Variants in NUP160 observed in about 807,000 individuals in gnomAD.
NUP160 encodes the protein nucleoporin 160, also known as nuclear pore complex protein Nup160.
Under a neutral mutation model 196.9 loss-of-function variants are expected in NUP160, and 94 were observed. The observed-to-expected ratio is 0.48, with a 90% CI of 0.40 to 0.57. NUP160 has a LOEUF of 0.57. Ranked by LOEUF, NUP160 falls within the 20% of genes least tolerant of loss-of-function variation. The probability of loss-of-function intolerance (pLI) is 0.00; values close to 1 mark genes in which losing one functional copy is unlikely to be tolerated. For synonymous variants in NUP160, 605 were observed against 619.7 expected (o/e 0.98, Z 0.35); for missense variants, 1,638 against 1,748.3 (o/e 0.94, Z 1.13).
intron 7 of NUP160, among the ~76,000 whole-genome samples, chr11:47,832,257 C>G: frequency 6.6e-6 from 1 of 152,042 alleles, no homozygotes; most frequent in East Asian, 1.9e-4. Context: ...TGAGCATGGG[C>G]AAGGCTCACC....
chr11:47,789,695 C>T (rs1047619211), intron 29 of NUP160, among the ~76,000 whole-genome samples: 30 of 151,546 alleles, frequency 2.0e-4, no homozygotes, highest in African/African-American at 6.5e-4. Flanking sequence ...TAGTATATAA[C>T]GTTACTACTA....
intron 4 of NUP160, among the ~76,000 whole-genome samples, chr11:47,838,442 T>C (rs1458077986): frequency 6.6e-6 from 1 of 152,186 alleles, no homozygotes. Context: ...GTGCCGTGGC[T>C]CACACCTGTA....
intron 9 of NUP160, chr11:47,821,370 T>TTTTTTG (rs1851852936): frequency 1.3e-5 from 2 of 155,686 alleles, no homozygotes; most frequent in African/African-American, 5.0e-5. Context: ...TTTTTTTTTT[T>TTTTTTG]TTTTTGAGAT....
At chr11:47,812,211 A>G (rs2097681593) in exon 17 of NUP160, 2 of 1,614,040 alleles carry the variant, frequency 1.2e-6, no homozygotes, top group Non-Finnish European at 1.7e-6. Context: ...TCATTCGAAT[A>G]TTCAAAGGCT....
intron 9 of NUP160, 59 bp downstream of exon 9, chr11:47,821,665 T>C: frequency 7.6e-7 from 1 of 1,308,776 alleles, no homozygotes; most frequent in Non-Finnish European, 1.1e-6. Flanking sequence ...CGGCCTCTCG[T>C]CTTCTTAGCA....
At chr11:47,803,044 G>A (rs2097675179) in intron 22 of NUP160, among the ~76,000 whole-genome samples, 1 of 151,566 alleles carries the variant, frequency 6.6e-6, no homozygotes, top group African/African-American at 2.4e-5. Context: ...CTGGCCAAAC[G>A]CGGTGGCTTA....
At chr11:47,785,283 C>T (rs980417862) in intron 32 of NUP160, among the ~76,000 whole-genome samples, 3 of 151,910 alleles carry the variant, frequency 2.0e-5, no homozygotes, top group African/African-American at 4.8e-5. Context: ...GCATGCACCA[C>T]TATGCCCAGC....
At chr11:47,836,780 C>T (rs747578955) in intron 6 of NUP160, 107 bp downstream of exon 6, 4 of 677,212 alleles carry the variant, frequency 5.9e-6, no homozygotes, top group Non-Finnish European at 1.1e-5. Flanking sequence ...CCAATAAGTT[C>T]CAAACCAATT....
intron 7 of NUP160, among the ~76,000 whole-genome samples, chr11:47,825,765 G>T (rs1851954454): frequency 6.6e-6 from 1 of 151,950 alleles, no homozygotes; most frequent in Non-Finnish European, 1.5e-5. Context: ...TGTATTTTTA[G>T]TAGAGACAGC....
intron 7 of NUP160, among the ~76,000 whole-genome samples, chr11:47,834,588 A>G (rs1852138707): frequency 6.6e-6 from 1 of 152,190 alleles, no homozygotes; most frequent in Non-Finnish European, 1.5e-5. Flanking sequence ...CAAGGTAGAT[A>G]TCCTTGCTGG....
rs10529981 is a variant in NUP160 at position 47,782,303 on chromosome 11, AATATATATATATATATAT to A, written c.4116+752_4116+769del. On this transcript the variant is annotated intron_variant, in intron 34 of 35. Transcript: ENST00000378460. ...CAAAACTCAGTTAAAAAAAAAAAAA[AATATATATATATATATAT>A]ATATATATATATATATATATATATA... Among the ~76,000 whole-genome samples the A allele has an allele frequency of 6.2e-4, 25 of 40,524 alleles. 1 individual carries two copies. The highest frequency in any genetic ancestry group is 1.7e-3 in the African/African-American group (14 of 8,066). The allele number at this position is 40,524 out of a possible 152,430, so 26.6% of individuals were successfully genotyped here.
chr11:47,836,921 C>T lies in NUP160; in HGVS notation c.908G>A (p.Cys303Tyr), dbSNP rs554810023. The change falls in exon 6 of 36, where the codon TGT becomes TAT. Residue 303 changes from cysteine (C) to tyrosine (Y), a missense_variant. This residue lies in a region of NUP160 where 1,345 missense variants were observed against 1,470.2 expected (regional missense o/e 0.91). Coordinates refer to ENST00000378460, the Ensembl canonical transcript of NUP160. Reference sequence around the variant, plus strand: ...CCACATTCGTAGTTTATGATCCTGACACAAAGCAAAGATGAAGGCATCATG... The same window carrying T: ...CCACATTCGTAGTTTATGATCCTGATACAAAGCAAAGATGAAGGCATCATG... 9 of 1,613,100 alleles carry T rather than the reference C, an allele frequency of 5.6e-6. No individual in the cohort carries two copies. The East Asian group carries it at 1.6e-4, about 28-fold the overall frequency.
At chr11:47,816,722 G>A (rs969999664) in intron 11 of NUP160, among the ~76,000 whole-genome samples, 3 of 151,526 alleles carry the variant, frequency 2.0e-5, no homozygotes, top group East Asian at 3.9e-4. Flanking sequence ...GTTGCAGTGA[G>A]CCAAGATCGT....
intron 1 of NUP160, 83 bp from the exon 2 acceptor site, chr11:47,848,042 C>T: frequency 7.7e-7 from 1 of 1,294,162 alleles, no homozygotes; most frequent in Non-Finnish European, 1.1e-6. Flanking sequence ...CAGAGAGTGA[C>T]AGACTGACAA....
exon 33 of NUP160, chr11:47,784,939 G>A: frequency 1.3e-6 from 2 of 1,595,778 alleles, no homozygotes; most frequent in Non-Finnish European, 1.7e-6. Flanking sequence ...CTGTTTATAA[G>A]CCAATTAGGC....
chr11:47,780,540 CTTTTTTT>C, intron 34 of NUP160, 93 bp from the exon 35 acceptor site: 1 of 424,524 alleles, frequency 2.4e-6, no homozygotes, highest in Non-Finnish European at 4.1e-6. Context: ...ATAAAATACC[CTTTTTTT>C]TTTTTTTTTT....
intron 27 of NUP160, among the ~76,000 whole-genome samples, chr11:47,794,357 G>A (rs1189044985): frequency 2.0e-5 from 3 of 152,154 alleles, no homozygotes; most frequent in African/African-American, 4.8e-5. Flanking sequence ...GCCAGGCATG[G>A]TGGCAGCCTC....
chr11:47,782,346 A>G (rs201115406), intron 34 of NUP160, among the ~76,000 whole-genome samples: 1 of 102,704 alleles, frequency 9.7e-6, no homozygotes, highest in African/African-American at 3.4e-5. Context: ...ATATATATAT[A>G]TATATATATA....
rs2097684164 is a variant in NUP160 at position 47,815,936 on chromosome 11, C to T, written c.1515+10G>A. ...AAGGAATTCTTATTCTTTCTCTACC[C>T]AAGCCTCACCTCATTTTCAACAGCT... is the stretch of plus-strand genomic sequence containing the variant. On this transcript the variant is annotated intron_variant, in intron 12 of 35. Transcript: ENST00000378460. The T allele has an allele frequency of 8.7e-6, 14 of 1,602,338 alleles. No individual in the cohort carries two copies. Among genetic ancestry groups the T allele is most frequent in the Non-Finnish European group, 1.0e-5 (12 of 1,169,768 alleles).
Sources: allele counts gnomAD v4.1 joint callset (sites outside exome capture counted in the v4.1 genomes callset), GRCh38; gene constraint gnomAD v4.1.1; regional missense constraint gnomAD v4.1.1; transcripts MANE v1.5; gene names NCBI Gene and HGNC (gene_info 2026-07-23, HGNC 2026-07-21).